STIM1: variants seen among roughly 807,000 people sequenced by gnomAD.
The protein encoded by STIM1 is stromal interaction molecule 1.
In STIM1, 25 loss-of-function variants were observed where a neutral mutation model predicts 74.7. The observed-to-expected ratio is 0.33, with a 90% CI of 0.24 to 0.47. STIM1 has a LOEUF of 0.47. Ranked by LOEUF, STIM1 falls within the 20% of genes least tolerant of loss-of-function variation. STIM1 has a pLI of 1.00. For synonymous variants in STIM1, 328 were observed against 348.8 expected (o/e 0.94, Z 0.66); for missense variants, 728 against 920.8 (o/e 0.79, Z 2.71).
At chr11:4,060,343 A>G (rs143740302) in intron 5 of STIM1, among the ~76,000 whole-genome samples, 9 of 152,354 alleles carry the variant, frequency 5.9e-5, no homozygotes, top group African/African-American at 1.9e-4. Context: ...GAAGAATGCT[A>G]TTGAACCAGG....
chr11:4,061,371 G>A (rs1378284886), intron 5 of STIM1, among the ~76,000 whole-genome samples: 4 of 152,136 alleles, frequency 2.6e-5, no homozygotes, highest in Admixed American at 2.6e-4. Flanking sequence ...CTAACTTAAG[G>A]AAGGCCAGAG....
intron 1 of STIM1, among the ~76,000 whole-genome samples, chr11:3,876,639 G>A (rs905034959): frequency 6.6e-6 from 1 of 152,098 alleles, no homozygotes; most frequent in Non-Finnish European, 1.5e-5. Flanking sequence ...GAACTCCTGG[G>A]CTCAAGTGAT....
intron 2 of STIM1, among the ~76,000 whole-genome samples, chr11:4,017,360 T>C (rs188094493): frequency 6.6e-6 from 1 of 152,338 alleles, no homozygotes; most frequent in Admixed American, 6.5e-5. Flanking sequence ...CTCTCTGACC[T>C]TGTTTTCTGA....
At chr11:3,948,440 C>A (rs554160081) in intron 1 of STIM1, among the ~76,000 whole-genome samples, 1 of 152,056 alleles carries the variant, frequency 6.6e-6, no homozygotes, top group Non-Finnish European at 1.5e-5. Flanking sequence ...TTACTTGAAT[C>A]TGTAGGCTAT....
intron 4 of STIM1, among the ~76,000 whole-genome samples, chr11:4,057,652 C>T (rs1036148682): frequency 3.9e-5 from 6 of 152,030 alleles, no homozygotes; most frequent in Non-Finnish European, 7.4e-5. Context: ...GGGTGGATCA[C>T]GAGGTCAGGT....
At position 4,091,331 on chromosome 11, in the gene STIM1, C is replaced by A; in HGVS notation, c.1684C>A (p.Gln562Lys). The A allele has an allele frequency of 6.2e-7, 1 of 1,614,256 alleles. No individual in the cohort carries two copies. Among genetic ancestry groups the A allele is most frequent in the Non-Finnish European group, 8.5e-7 (1 of 1,180,048 alleles). Reference sequence around the variant, plus strand: ...GTCCTCCCTCCACATGAGTGACCGCCAGCGTGTGGCCCCCAAACCTCCTCA... The same window carrying A: ...GTCCTCCCTCCACATGAGTGACCGCAAGCGTGTGGCCCCCAAACCTCCTCA... ...SESSLHMSDRQRVAPKPPQMS... is the reference protein window; with the variant it reads ...SESSLHMSDRKRVAPKPPQMS... The change falls in exon 13 of 13, where the codon CAG (glutamine) becomes AAG (lysine). Residue 562 changes from glutamine (Q) to lysine (K), a missense_variant. Coordinates refer to ENST00000526596, the MANE Select transcript of STIM1 (RefSeq NM_001382567.1).
At chr11:3,998,405 C>T (rs901156224) in intron 2 of STIM1, among the ~76,000 whole-genome samples, 2 of 152,120 alleles carry the variant, frequency 1.3e-5, no homozygotes, top group African/African-American at 4.8e-5. Context: ...GGACCTTTTT[C>T]TTTCTTCTAT....
chr11:3,989,536 G>T (rs2093589557), intron 2 of STIM1: 3 of 577,676 alleles, frequency 5.2e-6, no homozygotes, highest in East Asian at 3.8e-5. Flanking sequence ...AAGCTGGGCT[G>T]CCTGGTCGCT....
chr11:4,020,796 T>G (rs1171345704), intron 2 of STIM1, among the ~76,000 whole-genome samples: 1 of 151,006 alleles, frequency 6.6e-6, no homozygotes, highest in Non-Finnish European at 1.5e-5. Context: ...ACAGGCGGAG[T>G]CTCCCTATGC....
intron 1 of STIM1, among the ~76,000 whole-genome samples, chr11:3,882,181 C>A (rs778954301): frequency 2.7e-5 from 4 of 148,316 alleles, no homozygotes; most frequent in African/African-American, 5.0e-5. Context: ...CTCACCGCAA[C>A]CTCTGTCTCC....
At chr11:3,895,836 TCTTTC>T (rs1348760517) in intron 1 of STIM1, among the ~76,000 whole-genome samples, 1 of 120,282 alleles carries the variant, frequency 8.3e-6, no homozygotes, top group African/African-American at 3.9e-5. Context: ...TTTCTTTCTT[TCTTTC>T]TCTTTCTTTC....
chr11:4,059,122 C>A (rs1004255534), intron 4 of STIM1, among the ~76,000 whole-genome samples, 159 bp from the exon 5 acceptor site: 1 of 152,088 alleles, frequency 6.6e-6, no homozygotes, highest in South Asian at 2.1e-4. Flanking sequence ...TCTCCATATA[C>A]CCTGTTGAGA....
chr11:3,987,920 A>G (rs2093572638), intron 2 of STIM1, among the ~76,000 whole-genome samples: 2 of 152,060 alleles, frequency 1.3e-5, no homozygotes, highest in Non-Finnish European at 2.9e-5. Flanking sequence ...AGATGCCAGG[A>G]GCTTCTTGGG....
At position 4,083,398 on chromosome 11, in the gene STIM1, C is replaced by T. The variant is rs756710773; in HGVS notation, c.1374C>T (p.Pro458=). Residue 458 remains proline, a synonymous_variant, in exon 10 of 13, where the codon CCC becomes CCT. Coordinates refer to ENST00000526596, the MANE Select transcript of STIM1 (RefSeq NM_001382567.1). The stretch of plus-strand genomic sequence containing the variant: ...TGGTGGCTGCCCTCAACATAGACCC[C>T]AGCTGGATGGGCAGTACACGCCCCA... ...HSLVAALNID[P]SWMGSTRPNP... is the part of the protein sequence containing the mutation. The T allele has an allele frequency of 6.2e-7, 1 of 1,614,148 alleles. No individual in the cohort carries two copies. Among genetic ancestry groups the T allele is most frequent in the Non-Finnish European group, 8.5e-7 (1 of 1,180,058 alleles).
chr11:4,014,845 C>G (rs1404610818), intron 2 of STIM1, among the ~76,000 whole-genome samples: 1 of 152,128 alleles, frequency 6.6e-6, no homozygotes, highest in African/African-American at 2.4e-5. Context: ...GGTTTAAAGT[C>G]TGTTTTATCA....
chr11:4,089,373 A>C (rs2094510860), intron 12 of STIM1, among the ~76,000 whole-genome samples: 1 of 152,162 alleles, frequency 6.6e-6, no homozygotes, highest in African/African-American at 2.4e-5. Context: ...CTCAGCTTAG[A>C]GGACCCTTTT....
intron 3 of STIM1, among the ~76,000 whole-genome samples, chr11:4,029,591 G>GAGAGAGAGAC (rs1207598254): frequency 2.3e-5 from 3 of 132,928 alleles, no homozygotes; most frequent in Admixed American, 7.8e-5. Context: ...GTGGGGGTGG[G>GAGAGAGAGAC]AGAGAGAGAC....
intron 1 of STIM1, chr11:3,921,730 A>G (rs1341396176): frequency 6.7e-6 from 1 of 148,474 alleles, no homozygotes; most frequent in Non-Finnish European, 1.5e-5. Context: ...ATAGTGTACA[A>G]CTTCAGAAAT....
chr11:4,040,862 G>A (rs192271265), intron 3 of STIM1, among the ~76,000 whole-genome samples: 2 of 152,302 alleles, frequency 1.3e-5, no homozygotes, highest in African/African-American at 4.8e-5. Flanking sequence ...TGGGAGACCT[G>A]GTTTTTGCCT....
Sources: allele counts gnomAD v4.1 joint callset (sites outside exome capture counted in the v4.1 genomes callset), GRCh38; gene constraint gnomAD v4.1.1; transcripts MANE v1.5; gene names NCBI Gene and HGNC (gene_info 2026-07-23, HGNC 2026-07-21).